PRRX2: variants seen among roughly 807,000 people sequenced by gnomAD.
PRRX2 encodes the protein paired related homeobox 2.
In PRRX2, 11 loss-of-function variants were observed where a neutral mutation model predicts 18.0. The observed-to-expected ratio is 0.61, with a 90% CI of 0.39 to 1.01. The LOEUF is 1.01. PRRX2 is among the 50% of genes least tolerant of loss of function. The pLI is 0.01. For missense variants in PRRX2, 387 were observed against 351.0 expected (o/e 1.10, Z -0.82); for synonymous variants, 177 against 154.8 (o/e 1.14, Z -1.06).
rs1564156505 is a variant in PRRX2, at chr9:129,719,212, G to C, written c.260-19G>C. On this transcript the variant is annotated intron_variant, in intron 1 of 3. Transcript: ENST00000372469. ...CACTGGCCGTCCTGCTGACCATCCC[G>C]CCCCCCCAACCTCCGCAGGTGAGTG... is the stretch of plus-strand genomic sequence containing the variant. The C allele has an allele frequency of 1.3e-6, 2 of 1,541,826 alleles. No homozygotes were observed. The highest frequency in any genetic ancestry group is 2.3e-5 in the East Asian group (1 of 42,794).
intron 1 of PRRX2, among the ~76,000 whole-genome samples, chr9:129,686,926 C>T (rs376481557): frequency 1.3e-5 from 2 of 152,230 alleles, no homozygotes; most frequent in East Asian, 1.9e-4. Context: ...CAGAGGAGCC[C>T]GGGTTGGGGG....
rs1450773874 is a variant in PRRX2 at position 129,722,394 on chromosome 9, A to T, written c.*42A>T. 2 of 1,605,792 alleles carry T rather than the reference A, an allele frequency of 1.2e-6. No individual in the cohort carries two copies. The highest frequency in any genetic ancestry group is 2.2e-5 in the South Asian group (2 of 90,512). On this transcript the variant is annotated 3_prime_UTR_variant, in exon 4 of 4. Transcript: ENST00000372469. The stretch of plus-strand genomic sequence containing the variant: ...GACCCAGACGCCTCCCTGGGTGGAC[A>T]GCAATAGAAAAGGGGGCAGACGCCC...
chr9:129,683,251 C>T (rs892851516), intron 1 of PRRX2, among the ~76,000 whole-genome samples: 1 of 152,202 alleles, frequency 6.6e-6, no homozygotes, highest in Non-Finnish European at 1.5e-5. Flanking sequence ...GAAGCCCCCA[C>T]TACAGACTAA....
chr9:129,713,635 T>A (rs1411751577), intron 1 of PRRX2, among the ~76,000 whole-genome samples: 1 of 151,208 alleles, frequency 6.6e-6, no homozygotes, highest in Non-Finnish European at 1.5e-5. Context: ...TTTTTTTCTT[T>A]CTTTTTTTTT....
At chr9:129,720,374 C>T (rs957783895) in intron 2 of PRRX2, among the ~76,000 whole-genome samples, 3 of 152,256 alleles carry the variant, frequency 2.0e-5, no homozygotes, top group South Asian at 2.1e-4. Context: ...CATTCTCCAA[C>T]ACATTCTCCA....
chr9:129,679,469 A>G (rs1832201499), intron 1 of PRRX2, among the ~76,000 whole-genome samples: 2 of 152,146 alleles, frequency 1.3e-5, no homozygotes, highest in African/African-American at 4.8e-5. Context: ...AAATCCTCCC[A>G]AACATTCTAG....
intron 1 of PRRX2, among the ~76,000 whole-genome samples, chr9:129,706,012 C>T (rs1172624975): frequency 6.6e-6 from 1 of 152,126 alleles, no homozygotes; most frequent in Non-Finnish European, 1.5e-5. Flanking sequence ...TGTGGCACCC[C>T]CAGAGACTCA....
intron 1 of PRRX2, among the ~76,000 whole-genome samples, chr9:129,718,111 C>T (rs545080211): frequency 9.2e-5 from 14 of 151,654 alleles, no homozygotes; most frequent in Non-Finnish European, 1.9e-4. Flanking sequence ...GAGGTTGCCA[C>T]TCCAGGACCT....
chr9:129,681,071 C>T (rs1445499503), intron 1 of PRRX2, among the ~76,000 whole-genome samples: 1 of 152,234 alleles, frequency 6.6e-6, no homozygotes, highest in Non-Finnish European at 1.5e-5. Context: ...CCCTGCGTGC[C>T]TAGAGCGTGC....
In PRRX2 at chr9:129,709,495, C is replaced by G. The variant is rs1256994296; in HGVS notation, c.260-9736C>G. 1.3e-5 allele frequency among the ~76,000 whole-genome samples: 2 copies of G among 152,196 alleles called. No homozygotes were observed. The highest frequency in any genetic ancestry group is 2.9e-5 in the Non-Finnish European group (2 of 68,024). The stretch of plus-strand genomic sequence containing the variant: ...CCGGCCCCCAGGGCTGGGAGCAGGT[C>G]AGAGCACGGCAGTCCCAGGTTGGGT... On this transcript the variant is annotated intron_variant, in intron 1 of 3. Transcript: ENST00000372469. The surrounding 1 kb of genome is among the most constrained non-coding windows in gnomAD (Gnocchi z 4.2).
intron 1 of PRRX2, among the ~76,000 whole-genome samples, chr9:129,703,200 A>T (rs4837401): frequency 6.6e-6 from 1 of 152,222 alleles, no homozygotes; most frequent in East Asian, 1.9e-4. Flanking sequence ...AGGCTGAGAC[A>T]TAGCAGGGGA....
Position 129,720,767 on chromosome 9 carries a change from C to T in PRRX2, c.619C>T (p.Pro207Ser), listed in dbSNP as rs552481765. Residue 207 changes from proline (P) to serine (S), a missense_variant, in exon 3 of 4, where the codon CCC becomes TCC. Pro to Ser is a moderately conservative substitution (Grantham distance 74). Transcript: ENST00000372469. The stretch of plus-strand genomic sequence containing the variant: ...TTATCTCTCCTGGACAGCCTCGTCC[C>T]CCTACAGGTGAGAGCGGGAACACCT... Reference protein sequence around the residue: ...PDYLSWTASSPYSTVPPYSPG... With the variant: ...PDYLSWTASSSYSTVPPYSPG... 3 of 1,585,366 alleles carry T rather than the reference C, an allele frequency of 1.9e-6. No individual in the cohort carries two copies. Among genetic ancestry groups the T allele is most frequent in the African/African-American group, 1.3e-5 (1 of 74,218 alleles).
chr9:129,683,334 A>T (rs1178087481), intron 1 of PRRX2, among the ~76,000 whole-genome samples: 1 of 152,028 alleles, frequency 6.6e-6, no homozygotes, highest in Non-Finnish European at 1.5e-5. Flanking sequence ...GATGAGAAAC[A>T]GAGGCTCCTT....
At chr9:129,716,706 C>T (rs1334578502) in intron 1 of PRRX2, among the ~76,000 whole-genome samples, 6 of 152,104 alleles carry the variant, frequency 3.9e-5, no homozygotes, top group African/African-American at 7.2e-5. Context: ...CCACCTGCCT[C>T]GGCCTCCCAA....
chr9:129,669,877 C>T (rs974780913), intron 1 of PRRX2, among the ~76,000 whole-genome samples: 1 of 151,830 alleles, frequency 6.6e-6, no homozygotes, highest in African/African-American at 2.4e-5. Context: ...TCACCATTTA[C>T]AAGAATGCTG....
intron 1 of PRRX2, among the ~76,000 whole-genome samples, chr9:129,683,722 G>A (rs1184339743): frequency 1.3e-5 from 2 of 151,858 alleles, no homozygotes; most frequent in African/African-American, 2.4e-5. Flanking sequence ...GCGACAGAGC[G>A]AGACTCCATC....
chr9:129,697,449 G>A (rs1047576705), intron 1 of PRRX2, among the ~76,000 whole-genome samples: 5 of 151,658 alleles, frequency 3.3e-5, no homozygotes, highest in African/African-American at 4.8e-5. Flanking sequence ...TGTCTGGGCC[G>A]CGGGACTGCG....
Position 129,665,958 on chromosome 9 carries a change from T to C in PRRX2, c.91T>C (p.Cys31Arg). 1 of 1,135,170 alleles carries C rather than the reference T, an allele frequency of 8.8e-7. No homozygotes were observed. The highest frequency in any genetic ancestry group is 4.4e-5 in the Admixed American group (1 of 22,726). 70.3% of individuals were successfully genotyped at this position (1,135,170 alleles called of 1,614,324 possible). ...TCCACCCGCGCTGGGGCCCGGCGAC[T>C]GCGCCCAGGCGCGCAAGAACTTCTC... ...PPPPALGPGD[C>R]AQARKNFSVS... The change falls in exon 1 of 4, where the codon TGC (cysteine) becomes CGC (arginine). Residue 31 changes from cysteine (C) to arginine (R), a missense_variant. By Grantham distance (180) the Cys-to-Arg change is radical (BLOSUM62 -3). Coordinates refer to ENST00000372469, the MANE Select transcript of PRRX2 (RefSeq NM_016307.4). The surrounding 1 kb of genome is among the most constrained non-coding windows in gnomAD (Gnocchi z 5.3).
At position 129,722,226 on chromosome 9, in the gene PRRX2, A is replaced by G; in HGVS notation, c.636A>G (p.Pro212=). 1 of 1,613,560 alleles carries G rather than the reference A, an allele frequency of 6.2e-7. No individual in the cohort carries two copies. The highest frequency in any genetic ancestry group is 8.5e-7 in the Non-Finnish European group (1 of 1,179,842). ...CTCATGTCGCCCCCAGCACAGTGCCACCCTACAGCCCTGGGAGCTCAGGCC... is the reference window on the plus strand; with the variant it reads ...CTCATGTCGCCCCCAGCACAGTGCCGCCCTACAGCCCTGGGAGCTCAGGCC... ...WTASSPYSTV[P]PYSPGSSGPA... The change falls in exon 4 of 4, where the codon CCA becomes CCG. Residue 212 remains proline (P), a synonymous_variant. Coordinates refer to ENST00000372469, the MANE Select transcript of PRRX2 (RefSeq NM_016307.4).
Sources: gnomAD v4.1 joint callset for allele counts (sites outside exome capture counted in the v4.1 genomes callset) on GRCh38, gnomAD v4.1.1 for gene constraint, Gnocchi (gnomAD v3.1) non-coding constraint, MANE v1.5 for transcripts, NCBI Gene and HGNC (gene_info 2026-07-23, HGNC 2026-07-21) for gene names.